GRM5: variants seen among roughly 807,000 people sequenced by gnomAD.
GRM5 encodes the protein glutamate metabotropic receptor 5.
GRM5 carries 19 observed loss-of-function variants against 83.1 expected under a neutral mutation model. That is an observed-to-expected ratio of 0.23 (90% CI 0.16 to 0.34). The LOEUF (loss-of-function observed/expected upper bound fraction) is 0.34, where lower values mean the gene tolerates loss of function less well. Ranked by LOEUF, GRM5 falls within the 10% of genes least tolerant of loss-of-function variation. GRM5 has a pLI of 1.00. For synonymous variants in GRM5, 675 were observed against 633.6 expected (o/e 1.07, Z -0.98); for missense variants, 1,160 against 1,588.3 (o/e 0.73, Z 4.58).
chr11:88,717,623 A>G (rs1941427230), intron 3 of GRM5, among the ~76,000 whole-genome samples: 2 of 151,908 alleles, frequency 1.3e-5, no homozygotes, highest in South Asian at 2.1e-4. Flanking sequence ...CTTTTCATAT[A>G]GCAAAATATC....
chr11:88,987,599 T>C (rs2135038152), intron 2 of GRM5, among the ~76,000 whole-genome samples: 1 of 152,086 alleles, frequency 6.6e-6, no homozygotes, highest in East Asian at 1.9e-4. Context: ...TCTGCAGACT[T>C]AAATGTCCTT....
intron 8 of GRM5, among the ~76,000 whole-genome samples, chr11:88,540,930 T>G (rs1942251251): frequency 6.6e-6 from 1 of 151,824 alleles, no homozygotes; most frequent in Non-Finnish European, 1.5e-5. Context: ...TTTTGTATTT[T>G]TAGTAGAGAT....
In GRM5 at chr11:88,982,061, T is replaced by C. The variant is rs186591070; in HGVS notation, c.661+65151A>G. 2.3e-3 allele frequency among the ~76,000 whole-genome samples: 357 copies of C among 152,368 alleles called. 1 individual carries two copies. The highest frequency in any genetic ancestry group is 6.5e-3 in the African/African-American group (269 of 41,584). ...AAACCTTAGGGAAAGCAAAGTGACA[T>C]TTCAAAATCCTGCTGTTGGTATTGG... On this transcript the variant is annotated intron_variant, in intron 2 of 9. Coordinates refer to ENST00000305447, the MANE Select transcript of GRM5 (RefSeq NM_001143831.3).
intron 3 of GRM5, among the ~76,000 whole-genome samples, chr11:88,765,566 G>C (rs530573239): frequency 1.2e-4 from 18 of 151,556 alleles, no homozygotes; most frequent in Admixed American, 9.2e-4. Flanking sequence ...TTTTGAGAAG[G>C]GTGTCAAGAC....
rs762828669 is a variant in GRM5, at chr11:88,946,113, G to A, written c.662-95958C>T. On this transcript the variant is annotated intron_variant, in intron 2 of 9. Transcript: ENST00000305447. ...ACACTCCTAAAAAGAAAACATACAAGAGGCCAACAAACATGAAAAAAATTA... is the reference window on the plus strand; with the variant it reads ...ACACTCCTAAAAAGAAAACATACAAAAGGCCAACAAACATGAAAAAAATTA... Among the ~76,000 whole-genome samples the A allele has an allele frequency of 6.6e-5, 10 of 151,904 alleles. No individual in the cohort carries two copies. The South Asian group carries it at 2.1e-3, about 31-fold the overall frequency.
intron 3 of GRM5, among the ~76,000 whole-genome samples, chr11:88,807,994 T>G: frequency 6.6e-6 from 1 of 152,046 alleles, no homozygotes; most frequent in East Asian, 1.9e-4. Context: ...ATAGCATATG[T>G]TTTCATAGAA....
At chr11:88,841,532 A>G (rs182893787) in intron 3 of GRM5, among the ~76,000 whole-genome samples, 49 of 152,294 alleles carry the variant, frequency 3.2e-4, no homozygotes, top group Admixed American at 2.6e-3. Flanking sequence ...AGAAAAAGGT[A>G]TTTCCCCAGA....
At chr11:89,061,752 T>C (rs1941998231) in intron 1 of GRM5, among the ~76,000 whole-genome samples, 1 of 152,210 alleles carries the variant, frequency 6.6e-6, no homozygotes. Context: ...ACTTGGATTA[T>C]TCAGATACCA....
chr11:88,829,105 C>G (rs890449153), intron 3 of GRM5, among the ~76,000 whole-genome samples: 1 of 151,786 alleles, frequency 6.6e-6, no homozygotes, highest in African/African-American at 2.4e-5. Flanking sequence ...TATACGAAAA[C>G]TAAAAATAAT....
intron 8 of GRM5, among the ~76,000 whole-genome samples, chr11:88,565,691 A>G (rs369252120): frequency 2.0e-5 from 3 of 152,246 alleles, no homozygotes; most frequent in East Asian, 3.8e-4. Context: ...CAGGTTAGAT[A>G]TATGAAAGGC....
intron 3 of GRM5, among the ~76,000 whole-genome samples, chr11:88,659,981 C>G (rs1239500399): frequency 6.6e-6 from 1 of 152,134 alleles, no homozygotes; most frequent in Non-Finnish European, 1.5e-5. Flanking sequence ...ATTGAGTGAT[C>G]CTTTAGTAAC....
At chr11:88,660,532 C>T (rs916852594) in intron 3 of GRM5, among the ~76,000 whole-genome samples, 2 of 152,092 alleles carry the variant, frequency 1.3e-5, no homozygotes, top group Non-Finnish European at 2.9e-5. Flanking sequence ...ATTCTGTACC[C>T]AAAGGAGCAA....
In GRM5 at chr11:88,508,626, A is replaced by T. The variant is rs201195373; in HGVS notation, c.3605T>A (p.Ile1202Lys). The change falls in exon 10 of 10, where the codon ATA becomes AAA. Residue 1202 changes from isoleucine (I) to lysine (K), a missense_variant. Ile to Lys is a moderately radical substitution (Grantham distance 102). Around this residue, in one of 9 missense-constraint regions of GRM5, gnomAD observed 562 missense variants for 532.4 expected, o/e 1.06. Transcript: ENST00000305447. The surrounding 1 kb of genome is among the most constrained non-coding windows in gnomAD (Gnocchi z 4.2). ...CGAGGAGCTCTGAGTGTAATCTCTT[A>T]TGATAAGAGTGTCATATTTGGGAGA... Reference protein sequence around the residue: ...PSSPKYDTLIIRDYTQSSSSL With the variant: ...PSSPKYDTLIKRDYTQSSSSL 2 of 1,610,436 alleles carry T rather than the reference A, an allele frequency of 1.2e-6. No individual in the cohort carries two copies. The highest frequency in any genetic ancestry group is 1.7e-6 in the Non-Finnish European group (2 of 1,178,470).
At chr11:89,058,300 T>C (rs1591084942) in intron 1 of GRM5, among the ~76,000 whole-genome samples, 1 of 152,168 alleles carries the variant, frequency 6.6e-6, no homozygotes, top group East Asian at 1.9e-4. Flanking sequence ...GATAATCTTT[T>C]GTTGTGGGCG....
intron 2 of GRM5, among the ~76,000 whole-genome samples, chr11:88,879,662 T>A (rs932699806): frequency 2.6e-5 from 4 of 152,044 alleles, no homozygotes; most frequent in Admixed American, 2.6e-4. Context: ...TATATGAGCA[T>A]ATTTTTCCTT....
At chr11:88,790,902 C>T (rs1043536222) in intron 3 of GRM5, among the ~76,000 whole-genome samples, 1 of 152,008 alleles carries the variant, frequency 6.6e-6, no homozygotes, top group Non-Finnish European at 1.5e-5. Context: ...ATCTTGCAGG[C>T]AATGGGGAGC....
intron 1 of GRM5, among the ~76,000 whole-genome samples, chr11:89,059,345 T>TA (rs1941941705): frequency 6.6e-6 from 1 of 152,210 alleles, no homozygotes; most frequent in Non-Finnish European, 1.5e-5. Flanking sequence ...GATTTCTGAT[T>TA]ATCTTCAAGC....
chr11:88,716,951 G>C (rs752962284), intron 3 of GRM5, among the ~76,000 whole-genome samples: 1 of 151,910 alleles, frequency 6.6e-6, no homozygotes, highest in African/African-American at 2.4e-5. Flanking sequence ...TTGCACTTTA[G>C]TTCAGGTGTG....
At chr11:88,832,556 A>G (rs953997646) in intron 3 of GRM5, among the ~76,000 whole-genome samples, 7 of 152,162 alleles carry the variant, frequency 4.6e-5, no homozygotes, top group Non-Finnish European at 1.0e-4. Flanking sequence ...CAATCTACAG[A>G]TTCCATGTAA....
Sources: allele counts gnomAD v4.1 joint callset (sites outside exome capture counted in the v4.1 genomes callset), GRCh38; gene constraint gnomAD v4.1.1; regional missense constraint gnomAD v4.1.1; non-coding constraint Gnocchi (gnomAD v3.1); transcripts MANE v1.5; gene names NCBI Gene and HGNC (gene_info 2026-07-23, HGNC 2026-07-21).